Variants in LOXHD1 observed in about 807,000 individuals in gnomAD.
LOXHD1 encodes lipoxygenase homology domain-containing protein 1.
In LOXHD1, 205 loss-of-function variants were observed where a neutral mutation model predicts 248.2. The ratio of observed to expected loss-of-function variants is 0.83; its 90% CI spans 0.74 to 0.93. The LOEUF (loss-of-function observed/expected upper bound fraction) is 0.93, where lower values mean the gene tolerates loss of function less well. Ranked by LOEUF, LOXHD1 falls within the 40% of genes least tolerant of loss-of-function variation. LOXHD1 has a pLI of 0.00. For missense variants in LOXHD1, 2,930 were observed against 2,971.6 expected, an observed-to-expected ratio of 0.99 and a Z score of 0.33; for synonymous variants, 1,113 against 1,162.8, an observed-to-expected ratio of 0.96 and a Z score of 0.87.
intron 20 of LOXHD1, 73 bp from the exon 21 acceptor site, chr18:46,557,562 C>T (rs2037394549): frequency 6.5e-7 from 1 of 1,535,196 alleles, no homozygotes; most frequent in Non-Finnish European, 8.8e-7. Flanking sequence ...CCCATCCTCC[C>T]AAGAACCAGG....
chr18:46,646,286 A>G lies in LOXHD1; in HGVS notation c.245+2869T>C, dbSNP rs532256857. 5.9e-5 allele frequency among the ~76,000 whole-genome samples: 9 copies of G among 152,172 alleles called. No individual in the cohort carries two copies. In the South Asian group the frequency reaches 8.3e-4, roughly 14 times the overall value. On this transcript the variant is annotated intron_variant, in intron 2 of 40. Transcript: ENST00000642948. The stretch of plus-strand genomic sequence containing the variant: ...GATGGCCTGAGATAACTGCATCTAG[A>G]CCTCACGGAGCAAGGGGACCTCAGC...
intron 13 of LOXHD1, 77 bp downstream of exon 13, chr18:46,579,553 C>T: frequency 6.5e-7 from 1 of 1,534,234 alleles, no homozygotes; most frequent in Non-Finnish European, 8.8e-7. Context: ...TCAACTTTAA[C>T]AGGGCAGGGA....
rs370390812 is a variant in LOXHD1 at position 46,629,558 on chromosome 18, A to G, written c.511+10058T>C. On this transcript the variant is annotated intron_variant, in intron 4 of 40. Coordinates refer to ENST00000642948, the MANE Select transcript of LOXHD1 (RefSeq NM_001384474.1). ...CTTATCCCATTCTCCCCTCAAATGC[A>G]CCCTGGGCACTACGCCCAACATGGT... Among the ~76,000 whole-genome samples, 4 of 152,128 alleles carry G rather than the reference A, an allele frequency of 2.6e-5. No homozygotes were observed. In the East Asian group the frequency reaches 7.7e-4, roughly 29 times the overall value.
chr18:46,604,875 G>T (rs1203181735), intron 6 of LOXHD1, among the ~76,000 whole-genome samples: 2 of 152,114 alleles, frequency 1.3e-5, no homozygotes, highest in African/African-American at 4.8e-5. Flanking sequence ...ACTCGCTCTA[G>T]GATAAGTAGA....
rs199869179 is a variant in LOXHD1, at chr18:46,637,488, C to T, written c.511+2128G>A. 4.6e-5 allele frequency among the ~76,000 whole-genome samples: 7 copies of T among 152,202 alleles called. No individual in the cohort carries two copies. In the East Asian group the frequency reaches 5.8e-4, roughly 13 times the overall value. ...AGTGGCAAGTTTGACAGTGTGCTAA[C>T]GATTGATCATAGTAGAGGTTGGATA... On this transcript the variant is annotated intron_variant, in intron 4 of 40. Coordinates refer to ENST00000642948, the MANE Select transcript of LOXHD1 (RefSeq NM_001384474.1).
Position 46,649,230 on chromosome 18 carries a change from G to A in LOXHD1, c.170C>T (p.Ala57Val), listed in dbSNP as rs1131691786. 31 of 1,551,878 alleles carry A rather than the reference G, an allele frequency of 2.0e-5. No homozygotes were observed. Among genetic ancestry groups the A allele is most frequent in the Non-Finnish European group, 2.6e-5 (30 of 1,147,024 alleles). Residue 57 changes from alanine to valine, a missense_variant, in exon 2 of 41, where the codon GCA (alanine) becomes GTA (valine). Transcript: ENST00000642948. ...VVTATGDVRG[A>V]GTDANVFITL... ...GATGAAGACATTGGCATCCGTCCCT[G>A]CACCGCGAACATCCCCCGTGGCTGT...
intron 4 of LOXHD1, among the ~76,000 whole-genome samples, chr18:46,620,030 A>T (rs2144332083): frequency 6.6e-6 from 1 of 152,242 alleles, no homozygotes; most frequent in Admixed American, 6.5e-5. Context: ...CTGGAGCCAC[A>T]CTCAGGTTAC....
chr18:46,522,474 T>C (rs925164322), intron 31 of LOXHD1, among the ~76,000 whole-genome samples, 165 bp from the exon 32 acceptor site: 1 of 152,228 alleles, frequency 6.6e-6, no homozygotes, highest in Non-Finnish European at 1.5e-5. Flanking sequence ...CTGTGGTGTG[T>C]GTCTCCTCTC....
At chr18:46,503,796 A>G (rs2034388456) in intron 37 of LOXHD1, among the ~76,000 whole-genome samples, 1 of 152,050 alleles carries the variant, frequency 6.6e-6, no homozygotes, top group South Asian at 2.1e-4. Context: ...ACACCCTGAT[A>G]TTGGGGGGTG....
Position 46,542,748 on chromosome 18 carries a change from G to A in LOXHD1, c.3727C>T (p.Arg1243Trp), listed in dbSNP as rs369695848. ...ACACCTGTGTTGTCATGGCCAAGCCGGACTTTCCACAGGTCTCCCAGATCC... is the reference window on the plus strand; with the variant it reads ...ACACCTGTGTTGTCATGGCCAAGCCAGACTTTCCACAGGTCTCCCAGATCC... ...TLDLGDLWKVRLGHDNTGKAP... is the reference protein window; with the variant it reads ...TLDLGDLWKVWLGHDNTGKAP... Residue 1243 changes from arginine (R) to tryptophan (W), a missense_variant, in exon 24 of 41, where the codon CGG becomes TGG. By Grantham distance (101) the Arg-to-Trp change is moderately radical. Transcript: ENST00000642948. 2.6e-5 allele frequency: 40 copies of A among 1,551,458 alleles called. No individual in the cohort carries two copies. The highest frequency in any genetic ancestry group is 1.7e-4 in the Middle Eastern group (1 of 6,006).
intron 2 of LOXHD1, among the ~76,000 whole-genome samples, chr18:46,644,482 C>A (rs1389645825): frequency 6.6e-6 from 1 of 152,144 alleles, no homozygotes; most frequent in African/African-American, 2.4e-5. Context: ...CCTCGAGAGG[C>A]CAAGGCAGGA....
chr18:46,538,332 G>GAAC lies in LOXHD1; in HGVS notation c.3916_3918dup (p.Val1306dup). The GAAC allele has an allele frequency of 6.5e-7, 1 of 1,545,288 alleles. No homozygotes were observed. Among genetic ancestry groups the GAAC allele is most frequent in the Non-Finnish European group, 8.8e-7 (1 of 1,141,528 alleles). On this transcript the variant is annotated inframe_insertion, in exon 26 of 41. Coordinates refer to ENST00000642948, the MANE Select transcript of LOXHD1 (RefSeq NM_001384474.1). ...CTGGTGTAGAGGGTGATCTCGTAAG[G>GAAC]AACAACTGAGGGTGGTGGTCAGAGG...
chr18:46,649,305 A>G, intron 1 of LOXHD1, 36 bp from the exon 2 acceptor site: 1 of 1,522,936 alleles, frequency 6.6e-7, no homozygotes. Context: ...TTGCAGGCTC[A>G]GAAAAAAACC....
At chr18:46,622,781 T>C (rs758515319) in intron 4 of LOXHD1, among the ~76,000 whole-genome samples, 15 of 152,218 alleles carry the variant, frequency 9.9e-5, no homozygotes, top group Non-Finnish European at 2.2e-4. Flanking sequence ...GGGCTGAGCC[T>C]GGCAGTCCAC....
intron 10 of LOXHD1, among the ~76,000 whole-genome samples, chr18:46,593,273 T>C (rs2038205516): frequency 6.6e-6 from 1 of 152,242 alleles, no homozygotes; most frequent in East Asian, 1.9e-4. Context: ...TTGGGCAGTC[T>C]GACACTAAGT....
chr18:46,592,118 C>T (rs766286160), intron 11 of LOXHD1, 50 bp from the exon 12 acceptor site: 16 of 1,550,572 alleles, frequency 1.0e-5, no homozygotes, highest in Admixed American at 2.0e-5. Flanking sequence ...GGATGTTCAC[C>T]GATGCCCTGC....
At chr18:46,653,203 C>G (rs557288408) in intron 1 of LOXHD1, among the ~76,000 whole-genome samples, 12 of 152,172 alleles carry the variant, frequency 7.9e-5, no homozygotes, top group Admixed American at 7.2e-4. Context: ...GGCGAGATCA[C>G]GCCACTGCAC....
In LOXHD1 at chr18:46,477,451, G is replaced by C. The variant is rs1375202912; in HGVS notation, c.*21C>G. On this transcript the variant is annotated 3_prime_UTR_variant, in exon 41 of 41. Coordinates refer to ENST00000642948, the MANE Select transcript of LOXHD1 (RefSeq NM_001384474.1). Reference sequence around the variant, plus strand: ...ATGTGAGATTGGGGCATCTCAGTGAGAGGGTGGGGGCCCTAGCCCCTCAGA... The same window carrying C: ...ATGTGAGATTGGGGCATCTCAGTGACAGGGTGGGGGCCCTAGCCCCTCAGA... 6.5e-7 allele frequency: 1 copy of C among 1,540,294 alleles called. No individual in the cohort carries two copies. The highest frequency in any genetic ancestry group is 8.8e-7 in the Non-Finnish European group (1 of 1,139,868).
chr18:46,524,373 G>A, intron 31 of LOXHD1, 93 bp downstream of exon 31: 1 of 1,467,552 alleles, frequency 6.8e-7, no homozygotes, highest in Non-Finnish European at 9.2e-7. Flanking sequence ...TGTCATCGGT[G>A]ATGGTGGGGC....
Sources: allele counts gnomAD v4.1 joint callset (sites outside exome capture counted in the v4.1 genomes callset), GRCh38; gene constraint gnomAD v4.1.1; transcripts MANE v1.5; gene names NCBI Gene and HGNC (gene_info 2026-07-23, HGNC 2026-07-21).